The following MCFD2 variants were observed in gnomAD, a reference collection of about 807,000 sequenced individuals.
The protein encoded by MCFD2 is multiple coagulation factor deficiency protein 2.
MCFD2 carries 11 observed loss-of-function variants against 12.8 expected under a neutral mutation model. The observed-to-expected ratio is 0.86, with a 90% confidence interval of 0.54 to 1.42. MCFD2 has a LOEUF of 1.42. Ranked by LOEUF, MCFD2 falls within the 40% of genes most tolerant of loss-of-function variation. The probability of loss-of-function intolerance (pLI) is 0.00; values close to 1 mark genes in which losing one functional copy is unlikely to be tolerated. For missense variants in MCFD2, 191 were observed against 178.6 expected (o/e 1.07, Z -0.40); for synonymous variants, 70 against 68.1 (o/e 1.03, Z -0.14).
At position 46,907,311 on chromosome 2, in the gene MCFD2, T is replaced by C. The variant is rs2103741037; in HGVS notation, c.309+499A>G. 5.5e-6 allele frequency: 1 copy of C among 183,214 alleles called. No homozygotes were observed. The highest frequency in any genetic ancestry group is 2.4e-5 in the African/African-American group (1 of 42,018). 11.3% of individuals were successfully genotyped at this position (183,214 alleles called of 1,614,324 possible). ...GACTTCTGCCTCAGCAAGTTATCCT[T>C]TGCGGGAAGGATCGTTGGACAGAAA... On this transcript the variant is annotated intron_variant, in intron 3 of 3. Transcript: ENST00000319466. This position sits in a 1 kb window ranked among gnomAD's most constrained non-coding sequence, Gnocchi z 4.1.
chr2:46,927,317 C>A (rs1448438499), intron 1 of MCFD2, among the ~76,000 whole-genome samples: 2 of 148,554 alleles, frequency 1.3e-5, no homozygotes, highest in Non-Finnish European at 3.0e-5. Flanking sequence ...TGTAGAAAAC[C>A]AAAGAAAAAT....
chr2:46,922,084 G>T (rs901184395), intron 1 of MCFD2, among the ~76,000 whole-genome samples: 2 of 152,186 alleles, frequency 1.3e-5, no homozygotes, highest in African/African-American at 4.8e-5. Context: ...TGATTAGCTG[G>T]CATCCAGCAA....
chr2:46,908,068 G>C lies in MCFD2; in HGVS notation c.150-99C>G, dbSNP rs1048283307. On this transcript the variant is annotated intron_variant, in intron 2 of 3. Coordinates refer to ENST00000319466, the MANE Select transcript of MCFD2 (RefSeq NM_139279.6). This position sits in a 1 kb window ranked among gnomAD's most constrained non-coding sequence, Gnocchi z 4.5. ...AGTTCAAGATCTTAAACTTCCTCCA[G>C]CTCAGAAAAACAAACACCAGCAGTG... 2 of 1,377,944 alleles carry C rather than the reference G, an allele frequency of 1.5e-6. No homozygotes were observed. Among genetic ancestry groups the C allele is most frequent in the Admixed American group, 1.9e-5 (1 of 53,842 alleles). 85.4% of individuals were successfully genotyped at this position (1,377,944 alleles called of 1,614,324 possible).
chr2:46,920,486 C>T (rs775877213), upstream of MCFD2, among the ~76,000 whole-genome samples: 9 of 151,782 alleles, frequency 5.9e-5, no homozygotes, highest in Non-Finnish European at 1.0e-4. Context: ...ACAACCACCA[C>T]GCCCAGCTAA....
Position 46,909,167 on chromosome 2 carries a change from G to C in MCFD2, c.5C>G (p.Thr2Ser). ...GGGGGTTCTGAGCAGGGATCTCATG[G>C]TCATCAATATCTGTGAGATGGGAAA... Reference protein sequence around the residue: MTMRSLLRTPFL... With the variant: MSMRSLLRTPFL... The change falls in exon 2 of 4, where the codon ACC (threonine) becomes AGC (serine). Residue 2 changes from threonine (T) to serine (S), a missense_variant. Thr to Ser is a moderately conservative substitution (Grantham distance 58, BLOSUM62 1). Coordinates refer to ENST00000319466, the MANE Select transcript of MCFD2 (RefSeq NM_139279.6). 6.2e-7 allele frequency: 1 copy of C among 1,613,852 alleles called. No homozygotes were observed. Among genetic ancestry groups the C allele is most frequent in the Non-Finnish European group, 8.5e-7 (1 of 1,179,844 alleles).
At chr2:46,933,660 A>G (rs1264720879) in intron 1 of MCFD2, among the ~76,000 whole-genome samples, 1 of 152,232 alleles carries the variant, frequency 6.6e-6, no homozygotes, top group Non-Finnish European at 1.5e-5. Flanking sequence ...TGATTTCCGA[A>G]TGTAGCGATC....
At chr2:46,922,655 G>T (rs115733769) in intron 1 of MCFD2, among the ~76,000 whole-genome samples, 1 of 151,962 alleles carries the variant, frequency 6.6e-6, no homozygotes, top group African/African-American at 2.4e-5. Flanking sequence ...AGGTGTGAGA[G>T]GTAGAAACCA....
chr2:46,930,395 A>G (rs1669628482), intron 1 of MCFD2, among the ~76,000 whole-genome samples: 1 of 151,260 alleles, frequency 6.6e-6, no homozygotes, highest in Non-Finnish European at 1.5e-5. Flanking sequence ...AATTAACTTC[A>G]TGCCTAAAAT....
At chr2:46,915,177 G>A (rs1668667946) in intron 1 of MCFD2, among the ~76,000 whole-genome samples, 1 of 152,256 alleles carries the variant, frequency 6.6e-6, no homozygotes, top group African/African-American at 2.4e-5. Context: ...GATGGGACTG[G>A]AGAATGAACG....
At chr2:46,932,275 A>C (rs931294519) in intron 1 of MCFD2, among the ~76,000 whole-genome samples, 12 of 151,484 alleles carry the variant, frequency 7.9e-5, no homozygotes, top group African/African-American at 2.9e-4. Flanking sequence ...TCAGCCTCCC[A>C]AGTAGCTGGG....
chr2:46,913,178 T>A (rs1410900538), intron 1 of MCFD2, among the ~76,000 whole-genome samples: 4 of 152,184 alleles, frequency 2.6e-5, no homozygotes, highest in African/African-American at 9.6e-5. Context: ...TGTTGCAGGT[T>A]TCTAATCATT....
rs1161003607 is a variant in MCFD2, at chr2:46,934,787, C to CTTTTTTTTTTTTT, written c.-8+6772_-8+6784dup. On this transcript the variant is annotated intron_variant, in intron 1 of 2. Coordinates refer to the MCFD2 transcript ENST00000409147. Reference sequence around the variant, plus strand: ...GGAATAAGGTATGAAGACTACTGCTCTTTTTTTTTTTTTTTTTTTTTTTTT... The same window carrying CTTTTTTTTTTTTT: ...GGAATAAGGTATGAAGACTACTGCTCTTTTTTTTTTTTTTTTTTTTTTTTTTTTTTTTTTTTTT... Among the ~76,000 whole-genome samples, 31 of 66,914 alleles carry CTTTTTTTTTTTTT rather than the reference C, an allele frequency of 4.6e-4. 5 individuals are homozygous for CTTTTTTTTTTTTT. The highest frequency in any genetic ancestry group is 5.6e-4 in the Non-Finnish European group (21 of 37,306). 43.9% of individuals were successfully genotyped at this position (66,914 alleles called of 152,430 possible).
At chr2:46,905,710 A>AGG in intron 3 of MCFD2, 116 bp from the exon 4 acceptor site, 1 of 1,142,412 alleles carries the variant, frequency 8.8e-7, no homozygotes, top group Non-Finnish European at 1.3e-6. Flanking sequence ...AAAAAAAAAA[A>AGG]AAAAAGGAAA....
In MCFD2 at chr2:46,907,699, G is replaced by T; in HGVS notation, c.309+111C>A. The T allele has an allele frequency of 8.4e-7, 1 of 1,185,372 alleles. No homozygotes were observed. Among genetic ancestry groups the T allele is most frequent in the Non-Finnish European group, 1.2e-6 (1 of 804,192 alleles). The allele number at this position is 1,185,372 out of a possible 1,614,324, so 73.4% of individuals were successfully genotyped here. On this transcript the variant is annotated intron_variant, in intron 3 of 3. Transcript: ENST00000319466. This position sits in a 1 kb window ranked among gnomAD's most constrained non-coding sequence, Gnocchi z 4.1. Reference sequence around the variant, plus strand: ...GATGCGAGCCATCATGCCCAGTGGAGAAGCAGCACTCTTGGCACATAAGGA... The same window carrying T: ...GATGCGAGCCATCATGCCCAGTGGATAAGCAGCACTCTTGGCACATAAGGA...
chr2:46,927,339 T>C (rs974269290), intron 1 of MCFD2, among the ~76,000 whole-genome samples: 3 of 148,174 alleles, frequency 2.0e-5, no homozygotes, highest in African/African-American at 5.0e-5. Flanking sequence ...ATATTAAAGA[T>C]AGAGGAGAAA....
Position 46,941,458 on chromosome 2 carries a change from C to T in MCFD2, c.-8+114G>A. 2 of 1,426,676 alleles carry T rather than the reference C, an allele frequency of 1.4e-6. No individual in the cohort carries two copies. Among genetic ancestry groups the T allele is most frequent in the South Asian group, 2.8e-5 (2 of 71,334 alleles). The allele number at this position is 1,426,676 out of a possible 1,614,324, so 88.4% of individuals were successfully genotyped here. On this transcript the variant is annotated intron_variant, in intron 1 of 2. Coordinates refer to the MCFD2 transcript ENST00000409147. The surrounding 1 kb of genome is among the most constrained non-coding windows in gnomAD (Gnocchi z 4.2). The stretch of plus-strand genomic sequence containing the variant: ...CGTCTGCGCCCCCGTCGACCCCGCC[C>T]GCGAGTGCGCCCCAGCCAGGACGCC...
Position 46,908,003 on chromosome 2 carries a change from C to A in MCFD2, c.150-34G>T. 6.2e-7 allele frequency: 1 copy of A among 1,612,134 alleles called. No individual in the cohort carries two copies. On this transcript the variant is annotated intron_variant, in intron 2 of 3. Transcript: ENST00000319466. This position sits in a 1 kb window ranked among gnomAD's most constrained non-coding sequence, Gnocchi z 4.5. ...CAACAGTCAGGTTCAGGCCAATTGA[C>A]AGATACTGGGATCATGCTGAAATCT...
In MCFD2 at chr2:46,903,756, G is replaced by C. The variant is rs1027634546; in HGVS notation, c.*1707C>G. 1.3e-5 allele frequency: 2 copies of C among 152,120 alleles called. No individual in the cohort carries two copies. Among genetic ancestry groups the C allele is most frequent in the Admixed American group, 6.6e-5 (1 of 15,266 alleles). The allele number at this position is 152,120 out of a possible 1,614,324, so 9.4% of individuals were successfully genotyped here. On this transcript the variant is annotated 3_prime_UTR_variant, in exon 4 of 4. Coordinates refer to ENST00000319466, the MANE Select transcript of MCFD2 (RefSeq NM_139279.6). ...AGCAAAGTGTTCAACAGGTGACTTG[G>C]GTGCTTTTAAAGGCATTCCCTTATA...
upstream of MCFD2, among the ~76,000 whole-genome samples, chr2:46,918,605 C>A (rs1668941471): frequency 6.6e-6 from 1 of 152,186 alleles, no homozygotes; most frequent in Non-Finnish European, 1.5e-5. Flanking sequence ...AATTGGCTAA[C>A]TGGAGGTTAA....
Sources: gnomAD v4.1 joint callset for allele counts (sites outside exome capture counted in the v4.1 genomes callset) on GRCh38, gnomAD v4.1.1 for gene constraint, Gnocchi (gnomAD v3.1) non-coding constraint, MANE v1.5 for transcripts, NCBI Gene and HGNC (gene_info 2026-07-23, HGNC 2026-07-21) for gene names.